The following CSMD1 variants were observed in gnomAD, a reference collection of about 807,000 sequenced individuals.
The protein encoded by CSMD1 is CUB and sushi domain-containing protein 1.
A neutral mutation model predicts 417.5 loss-of-function variants in CSMD1; 213 were observed. The ratio of observed to expected loss-of-function variants is 0.51; its 90% CI spans 0.46 to 0.57. CSMD1 has a LOEUF of 0.57. Among genes scored for constraint, CSMD1 ranks in the 20% least tolerant of loss-of-function variants. The probability of loss-of-function intolerance (pLI) is 0.00; values close to 1 mark genes in which losing one functional copy is unlikely to be tolerated. For missense variants in CSMD1, 6,923 were observed against 4,529.7 expected, an observed-to-expected ratio of 1.53 and a Z score of -15.17; for synonymous variants, 2,862 against 1,736.8, an observed-to-expected ratio of 1.65 and a Z score of -16.11.
chr8:3,415,711 A>G (rs1813093583), intron 12 of CSMD1, among the ~76,000 whole-genome samples: 2 of 152,164 alleles, frequency 1.3e-5, no homozygotes, highest in African/African-American at 4.8e-5. Flanking sequence ...ATTTATATGA[A>G]GATTTTATAT....
At chr8:4,301,526 C>G (rs1329910890) in intron 3 of CSMD1, among the ~76,000 whole-genome samples, 2 of 152,164 alleles carry the variant, frequency 1.3e-5, no homozygotes, top group Non-Finnish European at 2.9e-5. Flanking sequence ...TTGTTTGAAG[C>G]TGATCTGGGT....
intron 12 of CSMD1, among the ~76,000 whole-genome samples, chr8:3,434,618 T>C (rs545387574): frequency 1.3e-5 from 2 of 152,334 alleles, no homozygotes; most frequent in South Asian, 4.1e-4. Context: ...GAAATCCCAT[T>C]TATTAGTGTT....
At chr8:3,637,239 A>G (rs1053883732) in intron 7 of CSMD1, among the ~76,000 whole-genome samples, 3 of 152,224 alleles carry the variant, frequency 2.0e-5, no homozygotes, top group Admixed American at 1.3e-4. Flanking sequence ...ATTTGTAATC[A>G]GAATAATCCT....
chr8:4,702,835 T>C (rs1010144976), intron 1 of CSMD1, among the ~76,000 whole-genome samples: 3 of 152,196 alleles, frequency 2.0e-5, no homozygotes, highest in Admixed American at 6.5e-5. Context: ...CTCTTTGTCT[T>C]AGTTCTTTAA....
chr8:4,103,988 G>A (rs541540150), intron 3 of CSMD1, among the ~76,000 whole-genome samples: 5 of 152,190 alleles, frequency 3.3e-5, no homozygotes, highest in Non-Finnish European at 7.3e-5. Context: ...GATGTTCTAA[G>A]AGTGCCCCAG....
rs1175339841 is a variant in CSMD1, at chr8:4,366,235, A to C, written c.415+53718T>G. Among the ~76,000 whole-genome samples the C allele has an allele frequency of 2.1e-5, 3 of 145,448 alleles. No individual in the cohort carries two copies. The East Asian group carries it at 6.1e-4, about 30-fold the overall frequency. ...TAATGGTCTTCAACTGCATCCATGT[A>C]GCTGCAAAAGACGTGATTCTTTTTT... On this transcript the variant is annotated intron_variant, in intron 3 of 69. Coordinates refer to ENST00000635120, the MANE Select transcript of CSMD1 (RefSeq NM_033225.6).
chr8:4,861,842 G>A (rs1005343730), intron 1 of CSMD1, among the ~76,000 whole-genome samples: 34 of 152,026 alleles, frequency 2.2e-4, no homozygotes, highest in African/African-American at 8.0e-4. Flanking sequence ...TAATATGTGT[G>A]AGAAACAATG....
chr8:4,763,980 A>G (rs1188252051), intron 1 of CSMD1, among the ~76,000 whole-genome samples: 4 of 152,184 alleles, frequency 2.6e-5, no homozygotes, highest in Admixed American at 2.6e-4. Flanking sequence ...TCAGACCCTG[A>G]TAGAAAACCA....
intron 2 of CSMD1, among the ~76,000 whole-genome samples, chr8:4,463,883 T>A (rs1389577314): frequency 2.0e-5 from 3 of 152,152 alleles, no homozygotes; most frequent in African/African-American, 7.2e-5. Context: ...CAGGTCAATA[T>A]TGTGGTATGT....
intron 26 of CSMD1, among the ~76,000 whole-genome samples, chr8:3,260,960 A>T (rs1801016687): frequency 6.6e-6 from 1 of 152,224 alleles, no homozygotes; most frequent in African/African-American, 2.4e-5. Flanking sequence ...GTAAAGAAAA[A>T]TAAAATCCCA....
At chr8:3,204,133 C>T (rs1031708585) in intron 31 of CSMD1, among the ~76,000 whole-genome samples, 5 of 152,168 alleles carry the variant, frequency 3.3e-5, no homozygotes, top group East Asian at 1.9e-4. Flanking sequence ...CGTTATTCCA[C>T]GCTGAAGCTT....
At chr8:3,917,012 G>A (rs930788765) in intron 5 of CSMD1, among the ~76,000 whole-genome samples, 1 of 152,192 alleles carries the variant, frequency 6.6e-6, no homozygotes, top group African/African-American at 2.4e-5. Context: ...ATGAAGCATT[G>A]TTGATACTGG....
intron 1 of CSMD1, among the ~76,000 whole-genome samples, chr8:4,777,555 G>A (rs528744660): frequency 1.3e-5 from 2 of 152,176 alleles, no homozygotes; most frequent in African/African-American, 2.4e-5. Context: ...AGTACACAGA[G>A]CTGTTGTTCC....
chr8:4,643,653 T>C (rs1364866980), intron 1 of CSMD1, among the ~76,000 whole-genome samples: 1 of 152,218 alleles, frequency 6.6e-6, no homozygotes, highest in Non-Finnish European at 1.5e-5. Flanking sequence ...AGGCCTCAGA[T>C]TTCAATGAAG....
At chr8:4,703,693 C>A (rs766496918) in intron 1 of CSMD1, among the ~76,000 whole-genome samples, 1 of 151,968 alleles carries the variant, frequency 6.6e-6, no homozygotes, top group Non-Finnish European at 1.5e-5. Flanking sequence ...GCATTGCCTG[C>A]GACCTTGAAT....
intron 1 of CSMD1, among the ~76,000 whole-genome samples, chr8:4,800,106 G>C (rs553066168): frequency 6.6e-6 from 1 of 152,010 alleles, no homozygotes; most frequent in African/African-American, 2.4e-5. Flanking sequence ...TATATAAAGC[G>C]TATCCTTTTT....
chr8:3,347,524 T>C (rs1808094921), intron 22 of CSMD1, among the ~76,000 whole-genome samples: 2 of 152,212 alleles, frequency 1.3e-5, no homozygotes, highest in Admixed American at 1.3e-4. Flanking sequence ...CCTTTCCAGC[T>C]TTCCACAGTA....
intron 1 of CSMD1, among the ~76,000 whole-genome samples, chr8:4,929,840 C>T (rs1807127427): frequency 6.6e-6 from 1 of 152,166 alleles, no homozygotes; most frequent in Non-Finnish European, 1.5e-5. Context: ...AAAACATCCC[C>T]ATTGGCAAAT....
intron 1 of CSMD1, among the ~76,000 whole-genome samples, chr8:4,855,206 C>G (rs10481358): frequency 0.13 from 18,908 of 148,996 alleles, 1,995 homozygotes; most frequent in East Asian, 0.35. Flanking sequence ...TGACGGTCCT[C>G]TTTGTTAGAA....
Sources: allele counts gnomAD v4.1 joint callset (sites outside exome capture counted in the v4.1 genomes callset), GRCh38; gene constraint gnomAD v4.1.1; transcripts MANE v1.5; gene names NCBI Gene and HGNC (gene_info 2026-07-23, HGNC 2026-07-21).